Variants in SCML4 observed in about 807,000 individuals in gnomAD.
SCML4 encodes Scm polycomb group protein like 4, also known as sex comb on midleg-like protein 4.
Under a neutral mutation model 41.1 loss-of-function variants are expected in SCML4, and 34 were observed. That is an observed-to-expected ratio of 0.83 (90% confidence interval 0.63 to 1.10). SCML4 has a LOEUF of 1.10. Among genes scored for constraint, SCML4 ranks in the 50% least tolerant of loss-of-function variants. The probability of loss-of-function intolerance (pLI) is 0.00; values close to 1 mark genes in which losing one functional copy is unlikely to be tolerated. For missense variants in SCML4, 522 were observed against 534.1 expected (o/e 0.98, Z 0.22); for synonymous variants, 214 against 220.9 (o/e 0.97, Z 0.28).
At chr6:107,802,806 C>G (rs950472176) in intron 1 of SCML4, among the ~76,000 whole-genome samples, 3 of 149,962 alleles carry the variant, frequency 2.0e-5, no homozygotes, top group Non-Finnish European at 3.0e-5. Flanking sequence ...CAAAGCTGGA[C>G]TGTACTGCTG....
chr6:107,825,806 G>A (rs940575620), upstream of SCML4, among the ~76,000 whole-genome samples: 46 of 151,866 alleles, frequency 3.0e-4, no homozygotes, highest in Non-Finnish European at 5.6e-4. Flanking sequence ...GCGTGGTGGC[G>A]GGCGCCTGTA....
At chr6:107,779,577 T>C (rs1312783155) in intron 1 of SCML4, among the ~76,000 whole-genome samples, 1 of 152,130 alleles carries the variant, frequency 6.6e-6, no homozygotes, top group Non-Finnish European at 1.5e-5. Context: ...GTTGTTTCCT[T>C]CTATTAACTG....
intron 1 of SCML4, among the ~76,000 whole-genome samples, chr6:107,823,472 G>A (rs1693739155): frequency 1.3e-5 from 2 of 152,124 alleles, no homozygotes; most frequent in Non-Finnish European, 1.5e-5. Context: ...TGGGAAAACT[G>A]CCGCTAATAC....
intron 1 of SCML4, among the ~76,000 whole-genome samples, chr6:107,787,714 C>A (rs1782009301): frequency 6.6e-6 from 1 of 152,154 alleles, no homozygotes; most frequent in Non-Finnish European, 1.5e-5. Flanking sequence ...ATTCAAATAA[C>A]ACAAATCACA....
chr6:107,838,743 A>C, the SCML4 span, among the ~76,000 whole-genome samples: 4 of 152,188 alleles, frequency 2.6e-5, no homozygotes, highest in African/African-American at 9.7e-5. Context: ...TTTGGGGATA[A>C]ATTTGTGATA....
At chr6:107,789,234 T>C (rs1010830632) in intron 1 of SCML4, among the ~76,000 whole-genome samples, 2 of 152,192 alleles carry the variant, frequency 1.3e-5, no homozygotes, top group African/African-American at 2.4e-5. Flanking sequence ...CCTTCAATCA[T>C]TTGACAATAT....
chr6:107,755,151 T>C (rs1162280838), intron 2 of SCML4, among the ~76,000 whole-genome samples: 1 of 151,852 alleles, frequency 6.6e-6, no homozygotes, highest in Non-Finnish European at 1.5e-5. Context: ...TGAACCCACC[T>C]CAAATGAAGT....
the SCML4 span, among the ~76,000 whole-genome samples, chr6:107,838,553 A>T: frequency 6.6e-6 from 1 of 152,212 alleles, no homozygotes; most frequent in Non-Finnish European, 1.5e-5. Context: ...TAGGGCAGTC[A>T]GTAGAAGTGA....
At chr6:107,709,371 T>G (rs1774011004) in intron 6 of SCML4, among the ~76,000 whole-genome samples, 1 of 152,212 alleles carries the variant, frequency 6.6e-6, no homozygotes, top group Non-Finnish European at 1.5e-5. Flanking sequence ...TGGCAGTGCT[T>G]TCTACCTGGA....
At chr6:107,779,493 G>A (rs917150335) in intron 1 of SCML4, among the ~76,000 whole-genome samples, 1 of 152,148 alleles carries the variant, frequency 6.6e-6, no homozygotes, top group Non-Finnish European at 1.5e-5. Context: ...ACTGGAAGCA[G>A]GATCAAGGCT....
chr6:107,713,364 T>C (rs976927746), intron 6 of SCML4, among the ~76,000 whole-genome samples: 1 of 152,166 alleles, frequency 6.6e-6, no homozygotes, highest in Non-Finnish European at 1.5e-5. Flanking sequence ...TAAAAGGGCT[T>C]GATCTCTAAG....
chr6:107,823,823 GT>G (rs1489164786), intron 1 of SCML4, among the ~76,000 whole-genome samples: 1 of 152,106 alleles, frequency 6.6e-6, no homozygotes, highest in Non-Finnish European at 1.5e-5. Context: ...AACTTTCTAG[GT>G]ATTTAAATGC....
chr6:107,838,492 T>C, the SCML4 span, among the ~76,000 whole-genome samples: 4 of 152,208 alleles, frequency 2.6e-5, no homozygotes, highest in Non-Finnish European at 5.9e-5. Flanking sequence ...CCCCGAAGGC[T>C]TGATTCAGGA....
At chr6:107,778,012 C>G (rs1781093855) in intron 1 of SCML4, among the ~76,000 whole-genome samples, 1 of 151,166 alleles carries the variant, frequency 6.6e-6, no homozygotes, top group Middle Eastern at 3.4e-3. Flanking sequence ...GTCAGGAGTT[C>G]GAGACCAGCC....
chr6:107,819,133 C>T (rs555909003), intron 1 of SCML4, among the ~76,000 whole-genome samples: 2 of 112,226 alleles, frequency 1.8e-5, no homozygotes, highest in South Asian at 6.3e-4. Flanking sequence ...GAGTGAAGGT[C>T]TAGTGCTCGG....
At chr6:107,715,583 T>A (rs1234352077) in intron 6 of SCML4, among the ~76,000 whole-genome samples, 3 of 152,130 alleles carry the variant, frequency 2.0e-5, no homozygotes, top group Non-Finnish European at 4.4e-5. Context: ...CTCTTGGTGA[T>A]TATATCTTGG....
intron 6 of SCML4, among the ~76,000 whole-genome samples, chr6:107,715,653 TG>T (rs1486984229): frequency 6.6e-6 from 1 of 152,080 alleles, no homozygotes; most frequent in Non-Finnish European, 1.5e-5. Flanking sequence ...ACCAGGAAAA[TG>T]TGCCCTGTGA....
intron 2 of SCML4, among the ~76,000 whole-genome samples, chr6:107,751,646 C>CTTTCTTTCTTTCTTTCTTTCTTTCT (rs1425350341): frequency 2.9e-5 from 3 of 103,646 alleles, no homozygotes; most frequent in East Asian, 2.5e-4. Flanking sequence ...TTCTTTCTTT[C>CTTTCTTTCTTTCTTTCTTTCTTTCT]TTTTTTGAGA....
intron 1 of SCML4, among the ~76,000 whole-genome samples, chr6:107,813,292 G>T (rs528811382): frequency 6.7e-6 from 1 of 149,660 alleles, no homozygotes; most frequent in South Asian, 2.1e-4. Flanking sequence ...GAGCCTGGGA[G>T]GCAGAGGCTG....
Sources: gnomAD v4.1 joint callset for allele counts (sites outside exome capture counted in the v4.1 genomes callset) on GRCh38, gnomAD v4.1.1 for gene constraint, MANE v1.5 for transcripts, NCBI Gene and HGNC (gene_info 2026-07-23, HGNC 2026-07-21) for gene names.